CDYL2: variants seen among roughly 807,000 people sequenced by gnomAD.
CDYL2 encodes the protein chromodomain Y like 2.
Under a neutral mutation model 49.4 loss-of-function variants are expected in CDYL2, and 23 were observed. The ratio of observed to expected loss-of-function variants is 0.47; its 90% confidence interval spans 0.34 to 0.66. CDYL2 has a LOEUF of 0.66. Ranked by LOEUF, CDYL2 falls within the 30% of genes least tolerant of loss-of-function variation. CDYL2 has a pLI of 0.01. For missense variants in CDYL2, 678 were observed against 656.4 expected (o/e 1.03, Z -0.36); for synonymous variants, 360 against 268.8 (o/e 1.34, Z -3.32).
At chr16:80,777,443 A>G (rs1907125024) in intron 1 of CDYL2, among the ~76,000 whole-genome samples, 1 of 146,990 alleles carries the variant, frequency 6.8e-6, no homozygotes, top group Admixed American at 6.7e-5. Flanking sequence ...ATTTTACAGA[A>G]AAAAAAATCT....
chr16:80,696,072 A>G (rs2142493948), intron 1 of CDYL2, among the ~76,000 whole-genome samples: 1 of 152,366 alleles, frequency 6.6e-6, no homozygotes, highest in African/African-American at 2.4e-5. Context: ...AATGAAATAA[A>G]ACTAGAAATC....
At chr16:80,665,849 T>C (rs1272173824) in intron 2 of CDYL2, among the ~76,000 whole-genome samples, 1 of 152,208 alleles carries the variant, frequency 6.6e-6, no homozygotes, top group Non-Finnish European at 1.5e-5. Flanking sequence ...GAGTCCACTG[T>C]CCTGCAACCC....
At chr16:80,611,491 C>T (rs1906592972) in intron 5 of CDYL2, among the ~76,000 whole-genome samples, 2 of 152,282 alleles carry the variant, frequency 1.3e-5, no homozygotes, top group South Asian at 4.2e-4. Context: ...GACCCAGCAG[C>T]GTGGTGCCTC....
At chr16:80,746,961 G>A (rs577585777) in intron 1 of CDYL2, among the ~76,000 whole-genome samples, 11 of 151,996 alleles carry the variant, frequency 7.2e-5, no homozygotes, top group Non-Finnish European at 1.6e-4. Context: ...TTCCAATATG[G>A]TAACAACTGG....
intron 1 of CDYL2, among the ~76,000 whole-genome samples, chr16:80,779,574 CCT>C (rs1368537683): frequency 1.3e-5 from 2 of 151,776 alleles, no homozygotes; most frequent in East Asian, 1.9e-4. Context: ...AGCTTATACC[CCT>C]GTTTAAAATA....
At chr16:80,677,209 C>A (rs1909786762) in intron 2 of CDYL2, among the ~76,000 whole-genome samples, 1 of 151,446 alleles carries the variant, frequency 6.6e-6, no homozygotes, top group African/African-American at 2.4e-5. Context: ...TGGGCTCAAG[C>A]TATCCACTGC....
At chr16:80,669,325 C>T (rs940263564) in intron 2 of CDYL2, among the ~76,000 whole-genome samples, 1 of 152,134 alleles carries the variant, frequency 6.6e-6, no homozygotes, top group South Asian at 2.1e-4. Flanking sequence ...CAAGGCCCCA[C>T]AGCCCAGGAC....
rs118061078 is a variant in CDYL2, at chr16:80,789,684, T to C, written c.24+14466A>G. Among the ~76,000 whole-genome samples, 5 of 152,166 alleles carry C rather than the reference T, an allele frequency of 3.3e-5. No homozygotes were observed. The South Asian group carries it at 8.3e-4, about 25-fold the overall frequency. On this transcript the variant is annotated intron_variant, in intron 1 of 6. Coordinates refer to ENST00000570137, the MANE Select transcript of CDYL2 (RefSeq NM_152342.4). ...TGAAACCAATTTAAGTGTCTACCAGTTGTTGACTGGATAAAGAAAATGTCC... is the reference window on the plus strand; with the variant it reads ...TGAAACCAATTTAAGTGTCTACCAGCTGTTGACTGGATAAAGAAAATGTCC...
At chr16:80,722,011 T>A (rs1905014801) in intron 1 of CDYL2, among the ~76,000 whole-genome samples, 1 of 152,146 alleles carries the variant, frequency 6.6e-6, no homozygotes, top group African/African-American at 2.4e-5. Flanking sequence ...GAGGAAGAAG[T>A]GGTTATGGAC....
chr16:80,608,103 A>G lies in CDYL2; in HGVS notation c.1351T>C (p.Cys451Arg). The G allele has an allele frequency of 6.3e-7, 1 of 1,590,314 alleles. No individual in the cohort carries two copies. The highest frequency in any genetic ancestry group is 8.6e-7 in the Non-Finnish European group (1 of 1,167,758). The change falls in exon 6 of 7, where the codon TGC becomes CGC. Residue 451 changes from cysteine to arginine, a missense_variant. Coordinates refer to ENST00000570137, the MANE Select transcript of CDYL2 (RefSeq NM_152342.4). Reference sequence around the variant, plus strand: ...GCGCAGGAACTCACCACGGCACTGCAGGATGCCATCTCCTTGACCCGCAGC... The same window carrying G: ...GCGCAGGAACTCACCACGGCACTGCGGGATGCCATCTCCTTGACCCGCAGC... ...VMLRVKEMAS[C>R]SAVVLEESKC...
chr16:80,781,788 T>C (rs991999854), intron 1 of CDYL2, among the ~76,000 whole-genome samples: 3 of 152,084 alleles, frequency 2.0e-5, no homozygotes, highest in Non-Finnish European at 4.4e-5. Context: ...TGGCACTGTA[T>C]TAAAACAACC....
At chr16:80,723,066 G>A (rs528603520) in intron 1 of CDYL2, among the ~76,000 whole-genome samples, 12 of 152,308 alleles carry the variant, frequency 7.9e-5, no homozygotes, top group South Asian at 4.1e-4. Context: ...TCGGCAGGGC[G>A]CTTTCTACAG....
intron 1 of CDYL2, among the ~76,000 whole-genome samples, chr16:80,726,169 T>C (rs1280229492): frequency 6.6e-6 from 1 of 152,222 alleles, no homozygotes; most frequent in East Asian, 1.9e-4. Context: ...AGGAGTTCCG[T>C]ATAAGATTCT....
intron 1 of CDYL2, among the ~76,000 whole-genome samples, chr16:80,732,153 G>A (rs1304846630): frequency 6.6e-6 from 1 of 152,210 alleles, no homozygotes; most frequent in East Asian, 1.9e-4. Flanking sequence ...ATGACAGTGT[G>A]TGGATGACAC....
intron 3 of CDYL2, among the ~76,000 whole-genome samples, chr16:80,625,465 C>A (rs1473446344): frequency 6.6e-6 from 1 of 152,160 alleles, no homozygotes; most frequent in Non-Finnish European, 1.5e-5. Context: ...CTAACTGGCA[C>A]CCTTAATTGT....
intron 1 of CDYL2, among the ~76,000 whole-genome samples, chr16:80,720,577 G>A (rs1408199202): frequency 6.6e-6 from 1 of 152,226 alleles, no homozygotes; most frequent in African/African-American, 2.4e-5. Context: ...ATTTTGCTCA[G>A]GAGTATCCAT....
At chr16:80,607,585 C>T (rs1361135923) in intron 6 of CDYL2, among the ~76,000 whole-genome samples, 5 of 152,244 alleles carry the variant, frequency 3.3e-5, no homozygotes, top group Admixed American at 3.3e-4. Context: ...TAATTAAAAA[C>T]CACTGCCTCT....
intron 3 of CDYL2, among the ~76,000 whole-genome samples, chr16:80,625,003 G>C (rs1907241128): frequency 6.6e-6 from 1 of 152,140 alleles, no homozygotes; most frequent in African/African-American, 2.4e-5. Flanking sequence ...ACAGAGAAGA[G>C]GAGAAAGTCA....
chr16:80,720,490 A>G (rs4580175), intron 1 of CDYL2, among the ~76,000 whole-genome samples: 32,076 of 152,032 alleles, frequency 0.21, 5,527 homozygotes, highest in African/African-American at 0.47. Context: ...AACAGGAAAT[A>G]CTCTAGAAAG....
Sources: gnomAD v4.1 joint callset for allele counts (sites outside exome capture counted in the v4.1 genomes callset) on GRCh38, gnomAD v4.1.1 for gene constraint, MANE v1.5 for transcripts, NCBI Gene and HGNC (gene_info 2026-07-23, HGNC 2026-07-21) for gene names.